The following BPNT2 variants were observed in gnomAD, a reference collection of about 807,000 sequenced individuals.
BPNT2 encodes 3'(2'), 5'-bisphosphate nucleotidase 2.
In BPNT2, 11 loss-of-function variants were observed where a neutral mutation model predicts 29.3. The ratio of observed to expected loss-of-function variants is 0.38; its 90% CI spans 0.24 to 0.62. The LOEUF (loss-of-function observed/expected upper bound fraction) is 0.62, where lower values mean the gene tolerates loss of function less well. Ranked by LOEUF, BPNT2 falls within the 20% of genes least tolerant of loss-of-function variation. The pLI, the probability that BPNT2 is intolerant of heterozygous loss-of-function variation, is 0.62. For missense variants in BPNT2, 459 were observed against 473.4 expected, an observed-to-expected ratio of 0.97 and a Z score of 0.28; for synonymous variants, 195 against 187.7, an observed-to-expected ratio of 1.04 and a Z score of -0.32.
intron 1 of BPNT2, among the ~76,000 whole-genome samples, chr8:56,982,820 A>G (rs1405288726): frequency 6.6e-6 from 1 of 152,218 alleles, no homozygotes; most frequent in African/African-American, 2.4e-5. Context: ...TCAGAAAACT[A>G]CTAATTCCAT....
chr8:56,968,508 CAA>C (rs1379726636), intron 3 of BPNT2, among the ~76,000 whole-genome samples: 2 of 151,646 alleles, frequency 1.3e-5, no homozygotes, highest in African/African-American at 2.4e-5. Flanking sequence ...CCCTAAAAAA[CAA>C]AAGAGAACCT....
In BPNT2 at chr8:56,993,534, G is replaced by A. The variant is rs1010421834; in HGVS notation, c.52C>T (p.Leu18=). The change falls in exon 1 of 5, where the codon CTG becomes TTG. Residue 18 remains leucine (L), a synonymous_variant. Transcript: ENST00000262644. The part of the protein sequence containing the change: ...LSPLGVAVFC[L]LGLGVLYHLY... Reference sequence around the variant, plus strand: ...TGGTAGAGCACGCCGAGCCCCAGCAGGCAAAACACTGCCACCCCCAGTGGG... The same window carrying A: ...TGGTAGAGCACGCCGAGCCCCAGCAAGCAAAACACTGCCACCCCCAGTGGG... 6.7e-6 allele frequency: 10 copies of A among 1,493,110 alleles called. No individual in the cohort carries two copies. In the African/African-American group the frequency reaches 8.8e-5, roughly 13 times the overall value. 92.5% of individuals were successfully genotyped at this position (1,493,110 alleles called of 1,614,324 possible). A position where few individuals can be genotyped will look rare whatever the true frequency, so the allele number is the denominator to read the frequency against.
At chr8:56,991,508 T>C (rs1284799325) in intron 1 of BPNT2, among the ~76,000 whole-genome samples, 1 of 152,260 alleles carries the variant, frequency 6.6e-6, no homozygotes, top group Non-Finnish European at 1.5e-5. Context: ...CTCTGCTTGC[T>C]GTATTTCACT....
rs1463456532 is a variant in BPNT2 at position 56,993,601 on chromosome 8, G to A, written c.-16C>T. ...TGGGGGCCATGGCGTGGGAAGCCGG[G>A]CGCTCCGGGCTGCGGCTCTCACAGG... On this transcript the variant is annotated 5_prime_UTR_variant, in exon 1 of 5. Transcript: ENST00000262644. 77 of 1,415,324 alleles carry A rather than the reference G, an allele frequency of 5.4e-5. No homozygotes were observed. The highest frequency in any genetic ancestry group is 1.5e-4 in the South Asian group (10 of 65,402). 87.7% of individuals were successfully genotyped at this position (1,415,324 alleles called of 1,614,324 possible). A position where few individuals can be genotyped will look rare whatever the true frequency, so the allele number is the denominator to read the frequency against.
intron 3 of BPNT2, among the ~76,000 whole-genome samples, chr8:56,975,333 C>G (rs1358402811): frequency 6.6e-6 from 1 of 152,204 alleles, no homozygotes; most frequent in Non-Finnish European, 1.5e-5. Flanking sequence ...TCTTGAACCA[C>G]TGTAATCAGA....
chr8:56,973,768 T>C (rs1439723410), intron 3 of BPNT2, among the ~76,000 whole-genome samples: 1 of 152,190 alleles, frequency 6.6e-6, no homozygotes, highest in Non-Finnish European at 1.5e-5. Flanking sequence ...AGGTTCTCAT[T>C]ATTCAAGACT....
rs1805884023 is a variant in BPNT2 at position 56,963,698 on chromosome 8, T to C, written c.*95A>G. 1.4e-6 allele frequency: 2 copies of C among 1,426,478 alleles called. No individual in the cohort carries two copies. Among genetic ancestry groups the C allele is most frequent in the Middle Eastern group, 2.0e-4 (1 of 5,114 alleles). The allele number at this position is 1,426,478 out of a possible 1,614,324, so 88.4% of individuals were successfully genotyped here. A position where few individuals can be genotyped will look rare whatever the true frequency, so the allele number is the denominator to read the frequency against. On this transcript the variant is annotated 3_prime_UTR_variant, in exon 5 of 5. Coordinates refer to ENST00000262644, the MANE Select transcript of BPNT2 (RefSeq NM_017813.5). ...TACTTTAAAAAGTTCGGGATGGCCTTAACCATGCATAGTCTCCACCAATCC... is the reference window on the plus strand; with the variant it reads ...TACTTTAAAAAGTTCGGGATGGCCTCAACCATGCATAGTCTCCACCAATCC...
chr8:56,985,161 T>A (rs1281117295), intron 1 of BPNT2, among the ~76,000 whole-genome samples: 1 of 152,090 alleles, frequency 6.6e-6, no homozygotes, highest in South Asian at 2.1e-4. Flanking sequence ...TTGTTTACAT[T>A]TACTATCTTG....
intron 3 of BPNT2, among the ~76,000 whole-genome samples, chr8:56,968,423 A>G (rs1007039836): frequency 6.6e-6 from 1 of 152,000 alleles, no homozygotes; most frequent in African/African-American, 2.4e-5. Context: ...GTCAACATAC[A>G]TATATAAGGA....
intron 3 of BPNT2, among the ~76,000 whole-genome samples, chr8:56,969,857 C>T (rs1183472983): frequency 1.3e-5 from 2 of 152,138 alleles, no homozygotes; most frequent in African/African-American, 4.8e-5. Flanking sequence ...AAGCCTGTTC[C>T]TTCCTGGAAA....
intron 1 of BPNT2, among the ~76,000 whole-genome samples, chr8:56,982,151 G>A (rs575541860): frequency 4.7e-5 from 7 of 148,116 alleles, no homozygotes; most frequent in African/African-American, 1.8e-4. Context: ...TTGAGACGGA[G>A]TCTCGCTCTG....
chr8:56,965,803 TATG>T (rs1413245436), intron 4 of BPNT2, among the ~76,000 whole-genome samples: 1 of 152,198 alleles, frequency 6.6e-6, no homozygotes, highest in Non-Finnish European at 1.5e-5. Context: ...TAATAATACT[TATG>T]ATGACTCCTG....
intron 1 of BPNT2, among the ~76,000 whole-genome samples, chr8:56,983,429 G>C (rs1390796641): frequency 6.6e-6 from 1 of 152,076 alleles, no homozygotes; most frequent in Non-Finnish European, 1.5e-5. Context: ...CAGCAAGGAG[G>C]CCAGCAAGGC....
intron 1 of BPNT2, among the ~76,000 whole-genome samples, chr8:56,989,724 G>T (rs1364075086): frequency 6.6e-6 from 1 of 152,064 alleles, no homozygotes; most frequent in Non-Finnish European, 1.5e-5. Flanking sequence ...AGCTAAATCT[G>T]GCCTTCTTTT....
chr8:56,971,772 AT>A (rs1257326852), intron 3 of BPNT2, among the ~76,000 whole-genome samples: 1 of 94,386 alleles, frequency 1.1e-5, no homozygotes, highest in Non-Finnish European at 1.9e-5. Flanking sequence ...TACTGAAATA[AT>A]TTTGTACCAC....
chr8:56,968,445 A>T (rs1287709002), intron 3 of BPNT2, among the ~76,000 whole-genome samples: 1 of 152,108 alleles, frequency 6.6e-6, no homozygotes, highest in Non-Finnish European at 1.5e-5. Flanking sequence ...TCCCTGAAAA[A>T]GAAAAATTAA....
chr8:56,966,205 G>T lies in BPNT2; in HGVS notation c.794C>A (p.Pro265Gln), dbSNP rs1165691902. The T allele has an allele frequency of 3.1e-6, 5 of 1,614,026 alleles. No homozygotes were observed. The highest frequency in any genetic ancestry group is 1.3e-5 in the African/African-American group (1 of 74,930). ...GAGGAACATACCAGCACCACCAGCTGGGATAATTGTAGTCTGGTTTCCAAA... is the reference window on the plus strand; with the variant it reads ...GAGGAACATACCAGCACCACCAGCTTGGATAATTGTAGTCTGGTTTCCAAA... ...QTFGNQTTIIPAGGAGYKVLA... is the reference protein window; with the variant it reads ...QTFGNQTTIIQAGGAGYKVLA... The change falls in exon 4 of 5, where the codon CCA (proline) becomes CAA (glutamine). Residue 265 changes from proline to glutamine, a missense_variant. Coordinates refer to ENST00000262644, the MANE Select transcript of BPNT2 (RefSeq NM_017813.5).
chr8:56,982,728 T>G (rs1216474478), intron 1 of BPNT2, among the ~76,000 whole-genome samples: 1 of 151,354 alleles, frequency 6.6e-6, no homozygotes, highest in Non-Finnish European at 1.5e-5. Flanking sequence ...TGTTAGAGAG[T>G]AGTGGAAGGG....
chr8:56,964,118 GC>G, intron 4 of BPNT2, 54 bp from the exon 5 acceptor site: 1 of 1,336,952 alleles, frequency 7.5e-7, no homozygotes, highest in African/African-American at 1.5e-5. Flanking sequence ...TAAGAAAGTA[GC>G]ATACTTTTTT....
Sources: allele counts gnomAD v4.1 joint callset (sites outside exome capture counted in the v4.1 genomes callset), GRCh38; gene constraint gnomAD v4.1.1; transcripts MANE v1.5; gene names NCBI Gene and HGNC (gene_info 2026-07-23, HGNC 2026-07-21).